PDZD2: variants seen among roughly 807,000 people sequenced by gnomAD.
PDZD2 encodes the protein PDZ domain-containing protein 2.
PDZD2 carries 90 observed loss-of-function variants against 220.7 expected under a neutral mutation model. The ratio of observed to expected loss-of-function variants is 0.41; its 90% CI spans 0.34 to 0.49. The LOEUF (loss-of-function observed/expected upper bound fraction) is 0.49, where lower values mean the gene tolerates loss of function less well. Among genes scored for constraint, PDZD2 ranks in the 20% least tolerant of loss-of-function variants. The pLI is 0.28. For synonymous variants in PDZD2, 1,375 were observed against 1,450.5 expected, an observed-to-expected ratio of 0.95 and a Z score of 1.18; for missense variants, 3,174 against 3,608.5, an observed-to-expected ratio of 0.88 and a Z score of 3.08.
At chr5:31,743,104 G>C (rs752389845) in intron 1 of PDZD2, among the ~76,000 whole-genome samples, 1 of 151,854 alleles carries the variant, frequency 6.6e-6, no homozygotes, top group Non-Finnish European at 1.5e-5. Context: ...TACATACATT[G>C]ATTTTGACCT....
At chr5:31,869,940 G>A (rs1424881547) in intron 2 of PDZD2, among the ~76,000 whole-genome samples, 2 of 152,112 alleles carry the variant, frequency 1.3e-5, no homozygotes, top group Non-Finnish European at 2.9e-5. Context: ...AGCCTCTCCG[G>A]CGATACTCTC....
chr5:31,682,455 C>T (rs1166926701), intron 1 of PDZD2, among the ~76,000 whole-genome samples: 1 of 152,154 alleles, frequency 6.6e-6, no homozygotes, highest in Non-Finnish European at 1.5e-5. Flanking sequence ...TACATTCTTG[C>T]TTTCCAATTA....
intron 1 of PDZD2, among the ~76,000 whole-genome samples, chr5:31,717,289 G>A (rs1046431504): frequency 6.6e-6 from 1 of 152,158 alleles, no homozygotes; most frequent in Admixed American, 6.5e-5. Flanking sequence ...CTGAATGAAT[G>A]CTTCAAACTT....
chr5:31,827,416 G>T (rs1020294186), intron 2 of PDZD2, among the ~76,000 whole-genome samples: 4 of 152,094 alleles, frequency 2.6e-5, no homozygotes, highest in Non-Finnish European at 4.4e-5. Context: ...CCTGAGGCTG[G>T]GTGTGGTGGC....
chr5:31,961,713 C>T lies in PDZD2; in HGVS notation c.477-21442C>T, dbSNP rs141882599. On this transcript the variant is annotated intron_variant, in intron 2 of 24. Transcript: ENST00000438447. ...AGGCTGGAGTGTGGTGGCGCAATCT[C>T]GGCTCACTGCAGTCTCTGCCTCCGG... 2.0e-3 allele frequency among the ~76,000 whole-genome samples: 304 copies of T among 152,270 alleles called. 2 individuals are homozygous for T. Among genetic ancestry groups the T allele is most frequent in the African/African-American group, 7.0e-3 (291 of 41,550 alleles).
chr5:31,985,163 A>G (rs961089955), intron 3 of PDZD2, among the ~76,000 whole-genome samples: 4 of 152,120 alleles, frequency 2.6e-5, no homozygotes, highest in African/African-American at 9.7e-5. Context: ...AATTAAGGGC[A>G]GTGAAAATAT....
chr5:31,970,893 A>C (rs1230205236), intron 2 of PDZD2, among the ~76,000 whole-genome samples: 1 of 152,180 alleles, frequency 6.6e-6, no homozygotes, highest in Non-Finnish European at 1.5e-5. Flanking sequence ...GCACACTTTT[A>C]TCTTCGGACC....
intron 1 of PDZD2, among the ~76,000 whole-genome samples, chr5:31,720,367 C>G (rs752941070): frequency 1.4e-4 from 21 of 152,162 alleles, no homozygotes; most frequent in Admixed American, 4.6e-4. Flanking sequence ...ATGGAATAAA[C>G]AGACATACAT....
Position 31,968,522 on chromosome 5 carries a change from G to A in PDZD2, c.477-14633G>A, listed in dbSNP as rs534557754. Among the ~76,000 whole-genome samples, 148 of 152,194 alleles carry A rather than the reference G, an allele frequency of 9.7e-4. 6 individuals are homozygous for A. The South Asian group carries it at 0.028, about 29-fold the overall frequency. On this transcript the variant is annotated intron_variant, in intron 2 of 24. Transcript: ENST00000438447. ...TACAAAATTAGCTAGGCATGGTGGC[G>A]TATGCCTGTAATCCCAGCTACTAGG... is the stretch of plus-strand genomic sequence containing the variant.
intron 1 of PDZD2, among the ~76,000 whole-genome samples, chr5:31,685,649 G>A (rs748802535): frequency 2.7e-4 from 41 of 152,162 alleles, no homozygotes; most frequent in Admixed American, 4.6e-4. Context: ...TTAGCCTTCC[G>A]AGTAGCTGGG....
At chr5:32,101,386 C>T in intron 24 of PDZD2, 147 bp downstream of exon 24, 1 of 745,588 alleles carries the variant, frequency 1.3e-6, no homozygotes, top group Non-Finnish European at 2.2e-6. Flanking sequence ...TCTGTATGGA[C>T]ATGTATTAAC....
intron 5 of PDZD2, among the ~76,000 whole-genome samples, chr5:32,007,551 C>G (rs1752929408): frequency 6.6e-6 from 1 of 152,116 alleles, no homozygotes; most frequent in Non-Finnish European, 1.5e-5. Flanking sequence ...GAAGGTGGAA[C>G]CAACGTGAAA....
At chr5:32,099,311 CA>C (rs1224315856) in intron 23 of PDZD2, 3 of 152,326 alleles carry the variant, frequency 2.0e-5, no homozygotes, top group Non-Finnish European at 4.4e-5. Flanking sequence ...TTCGAGAGGG[CA>C]AAGCAGAGGG....
intron 1 of PDZD2, among the ~76,000 whole-genome samples, chr5:31,795,419 T>G (rs1317638121): frequency 2.3e-4 from 35 of 152,208 alleles, no homozygotes; most frequent in Admixed American, 2.3e-3. Flanking sequence ...GATTCAAAAT[T>G]AATTTAAATT....
At chr5:31,686,997 C>G (rs1479663) in intron 1 of PDZD2, among the ~76,000 whole-genome samples, 1 of 151,632 alleles carries the variant, frequency 6.6e-6, no homozygotes, top group Non-Finnish European at 1.5e-5. Flanking sequence ...TGCTGTGAGC[C>G]TAAAGAGGAC....
chr5:31,778,804 T>G (rs762711520), intron 1 of PDZD2, among the ~76,000 whole-genome samples: 7 of 152,078 alleles, frequency 4.6e-5, no homozygotes, highest in Non-Finnish European at 7.4e-5. Flanking sequence ...TTTAAATCAG[T>G]AAAGTAATAA....
chr5:31,715,069 AAAAAG>A (rs1468351849), intron 1 of PDZD2, among the ~76,000 whole-genome samples: 5 of 151,844 alleles, frequency 3.3e-5, no homozygotes, highest in African/African-American at 1.2e-4. Context: ...AAAAAAAAAA[AAAAAG>A]AAAGAAAGAA....
intron 14 of PDZD2, among the ~76,000 whole-genome samples, chr5:32,069,182 C>G (rs1437108833): frequency 6.7e-6 from 1 of 150,088 alleles, no homozygotes; most frequent in Non-Finnish European, 1.5e-5. Flanking sequence ...AGGAGAATCA[C>G]TTGAACCTGG....
intron 2 of PDZD2, among the ~76,000 whole-genome samples, chr5:31,906,279 T>C (rs1374859237): frequency 6.8e-6 from 1 of 147,992 alleles, no homozygotes. Flanking sequence ...GTTGTTGTTG[T>C]TGTTGTTGTT....
Sources: allele counts gnomAD v4.1 joint callset (sites outside exome capture counted in the v4.1 genomes callset), GRCh38; gene constraint gnomAD v4.1.1; transcripts MANE v1.5; gene names NCBI Gene and HGNC (gene_info 2026-07-23, HGNC 2026-07-21).